Variants in GALNT9 observed in about 807,000 individuals in gnomAD.
The protein encoded by GALNT9 is GalNAc transferase 9.
Under a neutral mutation model 63.1 loss-of-function variants are expected in GALNT9, and 47 were observed. That is an observed-to-expected ratio of 0.75 (90% CI 0.59 to 0.95). The LOEUF (loss-of-function observed/expected upper bound fraction) is 0.95. Among genes scored for constraint, GALNT9 ranks in the 40% least tolerant of loss-of-function variants. GALNT9 has a pLI of 0.00. For synonymous variants in GALNT9, 396 were observed against 365.7 expected (o/e 1.08, Z -0.94); for missense variants, 829 against 874.8 (o/e 0.95, Z 0.66).
chr12:132,199,401 T>C (rs1875818335), intron 8 of GALNT9, 132 bp from the exon 9 acceptor site: 9 of 652,800 alleles, frequency 1.4e-5, no homozygotes, highest in East Asian at 5.5e-5. Context: ...TGTGGGATGC[T>C]CTGGCCGGGT....
At chr12:132,216,269 A>G (rs970428266) in intron 6 of GALNT9, among the ~76,000 whole-genome samples, 5 of 152,200 alleles carry the variant, frequency 3.3e-5, no homozygotes, top group African/African-American at 1.2e-4. Context: ...AGACACAGAG[A>G]AAGACACACA....
At chr12:132,227,302 G>A (rs1366368435) in intron 6 of GALNT9, among the ~76,000 whole-genome samples, 2 of 152,070 alleles carry the variant, frequency 1.3e-5, no homozygotes, top group South Asian at 2.1e-4. Flanking sequence ...GCATGGTGCC[G>A]TCCCCGAACG....
chr12:132,208,252 G>T (rs1459108747), intron 6 of GALNT9, among the ~76,000 whole-genome samples: 1 of 118,370 alleles, frequency 8.4e-6, no homozygotes, highest in Non-Finnish European at 2.0e-5. Context: ...GAGGCACTTG[G>T]CCCCCCTCTC....
At position 132,199,328 on chromosome 12, in the gene GALNT9, GCTT is replaced by G. The variant is rs1419665384; in HGVS notation, c.1402-62_1402-60del. On this transcript the variant is annotated intron_variant, in intron 8 of 10. Transcript: ENST00000328957. ...TCACCCGAGGGTGCGGCCCCAGGGA[GCTT>G]CACGCAGCCAGCTCTGCAGCCAGCA... is the stretch of plus-strand genomic sequence containing the variant. 8.9e-5 allele frequency: 107 copies of G among 1,203,394 alleles called. 4 individuals are homozygous for G. The Admixed American group carries it at 1.8e-3, about 20-fold the overall frequency. 74.5% of individuals were successfully genotyped at this position (1,203,394 alleles called of 1,614,324 possible).
At chr12:132,255,973 C>A (rs567520710) in intron 5 of GALNT9, among the ~76,000 whole-genome samples, 4 of 152,092 alleles carry the variant, frequency 2.6e-5, no homozygotes, top group Admixed American at 2.0e-4. Context: ...CCTGAGTTTA[C>A]GCAATCCACC....
Position 132,199,678 on chromosome 12 carries a change from C to T in GALNT9, c.1402-409G>A, listed in dbSNP as rs117724376. ...GACCCTTGGGAGACCTTCCAGCTTCCACTCTGTCTTGGAAGGAACCCTGAC... is the reference window on the plus strand; with the variant it reads ...GACCCTTGGGAGACCTTCCAGCTTCTACTCTGTCTTGGAAGGAACCCTGAC... On this transcript the variant is annotated intron_variant, in intron 8 of 10. Coordinates refer to ENST00000328957, the MANE Select transcript of GALNT9 (RefSeq NM_001122636.2). Among the ~76,000 whole-genome samples, 200 of 152,188 alleles carry T rather than the reference C, an allele frequency of 1.3e-3. 2 individuals carry two copies. In the East Asian group the frequency reaches 0.034, roughly 26 times the overall value.
chr12:132,213,994 G>A (rs1331682596), intron 6 of GALNT9, among the ~76,000 whole-genome samples: 4 of 152,166 alleles, frequency 2.6e-5, no homozygotes, highest in South Asian at 4.1e-4. Context: ...CCGCGACTCC[G>A]AGTCCTCAAC....
rs149360552 is a variant in GALNT9 at position 132,252,403 on chromosome 12, C to T, written c.960-4376G>A. Among the ~76,000 whole-genome samples the T allele has an allele frequency of 3.3e-5, 5 of 152,356 alleles. No individual in the cohort carries two copies. The highest frequency in any genetic ancestry group is 3.9e-4 in the East Asian group (2 of 5,194). On this transcript the variant is annotated intron_variant, in intron 5 of 10. Coordinates refer to ENST00000328957, the MANE Select transcript of GALNT9 (RefSeq NM_001122636.2). This position sits in a 1 kb window ranked among gnomAD's most constrained non-coding sequence, Gnocchi z 5.2. ...CTGTTTCTGAGAAGGCAGAGAAGCA[C>T]GTGCCACGTTTTAGAAAGAGTTTGC...
intron 1 of GALNT9, among the ~76,000 whole-genome samples, chr12:132,306,375 G>A (rs1267119408): frequency 6.6e-6 from 1 of 152,220 alleles, no homozygotes; most frequent in Admixed American, 6.5e-5. Context: ...CTGGCTCCAG[G>A]GCCCTGGCCA....
At chr12:132,212,260 G>T (rs571209052) in intron 6 of GALNT9, among the ~76,000 whole-genome samples, 1 of 82,508 alleles carries the variant, frequency 1.2e-5, no homozygotes, top group African/African-American at 5.5e-5. Context: ...CCCCACCCGG[G>T]TCTGCAGCCC....
chr12:132,199,027 C>T lies in GALNT9; in HGVS notation c.1497+147G>A, dbSNP rs752934985. 7.0e-4 allele frequency: 410 copies of T among 586,770 alleles called. 3 individuals carry two copies. The highest frequency in any genetic ancestry group is 3.8e-4 in the East Asian group (13 of 34,212). The allele number at this position is 586,770 out of a possible 1,614,324, so 36.3% of individuals were successfully genotyped here. A position where few individuals can be genotyped will look rare whatever the true frequency, so the allele number is the denominator to read the frequency against. ...GGGAGGCCTCTTCTAGAGGGGCCCT[C>T]AGGCTGCTCCAAGCCCTGGAATGCA... is the stretch of plus-strand genomic sequence containing the variant. On this transcript the variant is annotated intron_variant, in intron 9 of 10. Transcript: ENST00000328957.
In GALNT9 at chr12:132,329,367, A is replaced by ACGGCCGC. The variant is rs1869198061; in HGVS notation, c.-171_-165dup. 3.7e-6 allele frequency: 4 copies of ACGGCCGC among 1,093,014 alleles called. No homozygotes were observed. The highest frequency in any genetic ancestry group is 4.8e-6 in the Non-Finnish European group (4 of 832,536). 67.7% of individuals were successfully genotyped at this position (1,093,014 alleles called of 1,614,324 possible). A position where few individuals can be genotyped will look rare whatever the true frequency, so the allele number is the denominator to read the frequency against. ...CAGCACCAGCTCAGCGCGCCGGGCC[A>ACGGCCGC]CGGCCGCCGGGGGTCCCCCAGAGCG... On this transcript the variant is annotated 5_prime_UTR_variant, in exon 1 of 11. An upstream open reading frame in the 5' UTR loses its in-frame stop. Coordinates refer to ENST00000328957, the MANE Select transcript of GALNT9 (RefSeq NM_001122636.2).
chr12:132,198,153 C>A (rs1054507061), intron 9 of GALNT9, among the ~76,000 whole-genome samples, 194 bp from the exon 10 acceptor site: 26 of 152,190 alleles, frequency 1.7e-4, no homozygotes, highest in Non-Finnish European at 2.9e-4. Flanking sequence ...GCGGGCTGGA[C>A]GGCGCCCAAA....
intron 1 of GALNT9, among the ~76,000 whole-genome samples, chr12:132,318,201 T>TA (rs1245301623): frequency 6.6e-6 from 1 of 151,764 alleles, no homozygotes; most frequent in Non-Finnish European, 1.5e-5. Context: ...TCGAAAAAAT[T>TA]AAAAAAATAA....
chr12:132,224,896 C>T lies in GALNT9; in HGVS notation c.1078-21206G>A, dbSNP rs1212867608. Among the ~76,000 whole-genome samples, 12 of 148,906 alleles carry T rather than the reference C, an allele frequency of 8.1e-5. No homozygotes were observed. In the South Asian group the frequency reaches 2.6e-3, roughly 32 times the overall value. On this transcript the variant is annotated intron_variant, in intron 6 of 10. Coordinates refer to ENST00000328957, the MANE Select transcript of GALNT9 (RefSeq NM_001122636.2). The stretch of plus-strand genomic sequence containing the variant: ...CCCCACACATACCACACAATCCACA[C>T]TGCACACACTGTATATACACGTGCC...
In GALNT9 at chr12:132,197,060, G is replaced by A. The variant is rs374378324; in HGVS notation, c.*47C>T. The A allele has an allele frequency of 4.0e-5, 64 of 1,603,344 alleles. No homozygotes were observed. Among genetic ancestry groups the A allele is most frequent in the African/African-American group, 1.2e-4 (9 of 74,742 alleles). ...CCCGGTCACTCAGCCACACTGGCTC[G>A]GCCCAGCGCCTTCCCGAGGTCTGTG... On this transcript the variant is annotated 3_prime_UTR_variant, in exon 11 of 11. Transcript: ENST00000328957.
chr12:132,244,802 CG>C (rs1190635279), intron 6 of GALNT9, among the ~76,000 whole-genome samples: 1 of 82,824 alleles, frequency 1.2e-5, no homozygotes, highest in Non-Finnish European at 2.4e-5. Flanking sequence ...TGGGGCTGGA[CG>C]GGCAGCATGG....
At chr12:132,268,278 C>T (rs527371534) in intron 2 of GALNT9, among the ~76,000 whole-genome samples, 62 of 152,116 alleles carry the variant, frequency 4.1e-4, no homozygotes, top group Non-Finnish European at 6.9e-4. Context: ...TACACACGCA[C>T]GCACACACTG....
At chr12:132,300,401 T>A (rs1338943471) in intron 1 of GALNT9, among the ~76,000 whole-genome samples, 3 of 130,696 alleles carry the variant, frequency 2.3e-5, no homozygotes, top group African/African-American at 8.8e-5. Flanking sequence ...CTCACTCCCA[T>A]AACTCACCCA....
Sources: allele counts gnomAD v4.1 joint callset (sites outside exome capture counted in the v4.1 genomes callset), GRCh38; gene constraint gnomAD v4.1.1; non-coding constraint Gnocchi (gnomAD v3.1); transcripts MANE v1.5; gene names NCBI Gene and HGNC (gene_info 2026-07-23, HGNC 2026-07-21).